The following ABCA4 variants were observed in gnomAD, a reference collection of about 807,000 sequenced individuals.
ABCA4 encodes retinal-specific phospholipid-transporting ATPase ABCA4.
Under a neutral mutation model 263.7 loss-of-function variants are expected in ABCA4, and 196 were observed. The ratio of observed to expected loss-of-function variants is 0.74; its 90% confidence interval spans 0.66 to 0.84. The LOEUF (loss-of-function observed/expected upper bound fraction) is 0.84, where lower values mean the gene tolerates loss of function less well. Ranked by LOEUF, ABCA4 falls within the 40% of genes least tolerant of loss-of-function variation. The pLI is 0.00. For synonymous variants in ABCA4, 1,133 were observed against 1,094.2 expected, an observed-to-expected ratio of 1.04 and a Z score of -0.70; for missense variants, 2,792 against 2,855.1, an observed-to-expected ratio of 0.98 and a Z score of 0.50.
At chr1:93,994,913 C>T (rs535659080) in intron 49 of ABCA4, among the ~76,000 whole-genome samples, 2 of 152,216 alleles carry the variant, frequency 1.3e-5, no homozygotes, top group South Asian at 4.1e-4. Context: ...GTGGGGAGAC[C>T]ATTGGTAATT....
intron 38 of ABCA4, among the ~76,000 whole-genome samples, chr1:94,012,785 C>T (rs374207827): frequency 6.6e-5 from 10 of 152,270 alleles, no homozygotes; most frequent in South Asian, 2.1e-4. Context: ...TTGCAAACTT[C>T]GTGGGCAGGT....
At chr1:94,070,557 T>G (rs1661375326) in intron 11 of ABCA4, among the ~76,000 whole-genome samples, 1 of 152,130 alleles carries the variant, frequency 6.6e-6, no homozygotes, top group Non-Finnish European at 1.5e-5. Context: ...ACAGCTCCAC[T>G]AAGGTAAGTT....
intron 11 of ABCA4, among the ~76,000 whole-genome samples, chr1:94,063,847 G>C (rs886222872): frequency 1.3e-5 from 2 of 152,106 alleles, no homozygotes; most frequent in Non-Finnish European, 2.9e-5. Flanking sequence ...AACTTAGTCA[G>C]GGAAATCACT....
intron 38 of ABCA4, among the ~76,000 whole-genome samples, chr1:94,012,790 G>A (rs1234246392): frequency 6.6e-6 from 1 of 152,198 alleles, no homozygotes; most frequent in African/African-American, 2.4e-5. Context: ...AACTTCGTGG[G>A]CAGGTCCTTT....
chr1:93,998,028 A>G lies in ABCA4; in HGVS notation c.6562T>C (p.Phe2188Leu). 6.2e-7 allele frequency: 1 copy of G among 1,614,114 alleles called. No homozygotes were observed. The highest frequency in any genetic ancestry group is 8.5e-7 in the Non-Finnish European group (1 of 1,180,004). The change falls in exon 48 of 50, where the codon TTC (phenylalanine) becomes CTC (leucine). Residue 2188 changes from phenylalanine to leucine, a missense_variant. Phe to Leu is a conservative substitution (Grantham distance 22, BLOSUM62 0). Coordinates refer to ENST00000370225, the MANE Select transcript of ABCA4 (RefSeq NM_000350.3). ...LLPDLNPVEQ[F>L]FQGNFPGSVQ... Reference sequence around the variant, plus strand: ...CTGCCTGGGAAGTTCCCCTGGAAGAACTGCTCCACAGGGTTCAGGTCAGGA... The same window carrying G: ...CTGCCTGGGAAGTTCCCCTGGAAGAGCTGCTCCACAGGGTTCAGGTCAGGA...
At chr1:94,042,923 A>G in intron 21 of ABCA4, 25 bp from the exon 22 acceptor site, 2 of 1,614,058 alleles carry the variant, frequency 1.2e-6, no homozygotes, top group Non-Finnish European at 1.7e-6. Flanking sequence ...AGGACGGGAG[A>G]GTTAAGGGGC....
chr1:94,098,680 T>G (rs1662200590), intron 6 of ABCA4, 114 bp downstream of exon 6: 1 of 1,269,014 alleles, frequency 7.9e-7, no homozygotes, highest in African/African-American at 1.5e-5. Flanking sequence ...GCCTGGAGCT[T>G]TTGCAAGGAT....
chr1:94,113,910 G>A (rs1286851254), intron 1 of ABCA4, among the ~76,000 whole-genome samples: 1 of 152,238 alleles, frequency 6.6e-6, no homozygotes, highest in African/African-American at 2.4e-5. Context: ...TCCACACCCT[G>A]TGGCATTGCA....
intron 11 of ABCA4, among the ~76,000 whole-genome samples, chr1:94,073,377 G>A (rs930274611): frequency 1.3e-4 from 20 of 152,298 alleles, no homozygotes; most frequent in East Asian, 1.9e-4. Flanking sequence ...TGGCGGCCCC[G>A]GAGGATGTGA....
intron 45 of ABCA4, among the ~76,000 whole-genome samples, chr1:94,001,323 T>G (rs562225782): frequency 1.3e-5 from 2 of 152,310 alleles, no homozygotes; most frequent in East Asian, 3.9e-4. Context: ...TGGGCCCATT[T>G]CAGCCCACGA....
At chr1:94,012,964 C>T (rs1446798761) in intron 38 of ABCA4, among the ~76,000 whole-genome samples, 2 of 152,196 alleles carry the variant, frequency 1.3e-5, no homozygotes, top group African/African-American at 4.8e-5. Context: ...CTGGGGGTTT[C>T]CATAGCAGCT....
intron 40 of ABCA4, among the ~76,000 whole-genome samples, chr1:94,010,262 C>T (rs879784803): frequency 6.6e-6 from 1 of 152,192 alleles, no homozygotes; most frequent in Admixed American, 6.5e-5. Context: ...GGAAGAATGG[C>T]AATTGCCAGC....
At chr1:94,074,700 G>A (rs1380283730) in intron 11 of ABCA4, among the ~76,000 whole-genome samples, 1 of 152,212 alleles carries the variant, frequency 6.6e-6, no homozygotes, top group Non-Finnish European at 1.5e-5. Flanking sequence ...TGAGGCTGTT[G>A]AGAAATAGGA....
chr1:94,047,036 AG>A lies in ABCA4; in HGVS notation c.2800del (p.Leu934TrpfsTer2). Reference sequence around the variant, plus strand: ...GCCACAGGGCTCAAAAATCTTTACCAGATTCTTCACGCATACCCCAGGAACC... The same window carrying A: ...GCCACAGGGCTCAAAAATCTTTACCAATTCTTCACGCATACCCCAGGAACC... ...GWVPGVCVKNLVKIFEPCGRP... is the reference protein window; with the variant it reads ...GWVPGVCVKNXVKIFEPCGRP... On this transcript the variant is annotated frameshift_variant, in exon 19 of 50. Transcript: ENST00000370225. LOFTEE classifies it high-confidence loss of function. The A allele has an allele frequency of 6.2e-7, 1 of 1,614,208 alleles. No individual in the cohort carries two copies. The highest frequency in any genetic ancestry group is 8.5e-7 in the Non-Finnish European group (1 of 1,180,038).
intron 24 of ABCA4, among the ~76,000 whole-genome samples, chr1:94,038,221 A>G (rs1170837434): frequency 6.6e-6 from 1 of 152,226 alleles, no homozygotes; most frequent in Non-Finnish European, 1.5e-5. Context: ...AGTGTCAGGT[A>G]TCAACTGTTT....
Position 94,040,118 on chromosome 1 carries a change from T to A in ABCA4, c.3532A>T (p.Ser1178Cys). 1.2e-6 allele frequency: 2 copies of A among 1,607,938 alleles called. No homozygotes were observed. Among genetic ancestry groups the A allele is most frequent in the Non-Finnish European group, 1.7e-6 (2 of 1,176,788 alleles). Residue 1178 changes from serine (S) to cysteine (C), a missense_variant, in exon 24 of 50, where the codon AGC becomes TGC. Ser to Cys is a moderately radical substitution (Grantham distance 112, BLOSUM62 -1). Coordinates refer to ENST00000370225, the MANE Select transcript of ABCA4 (RefSeq NM_000350.3). The part of the protein sequence containing the change: ...SQRKGSEGTC[S>C]CSSKGFSTTC... ...GTGGAGAAACCCTTAGACGAGCAGCTGCAGGTCCCCTGCAACAGATGGATG... is the reference window on the plus strand; with the variant it reads ...GTGGAGAAACCCTTAGACGAGCAGCAGCAGGTCCCCTGCAACAGATGGATG...
chr1:94,111,310 G>A, intron 3 of ABCA4, 128 bp downstream of exon 3: 1 of 1,290,794 alleles, frequency 7.7e-7, no homozygotes, highest in Non-Finnish European at 1.1e-6. Flanking sequence ...CTGCTCCTAA[G>A]AGGTTAGGGG....
At chr1:94,095,285 C>T (rs193284017) in intron 6 of ABCA4, among the ~76,000 whole-genome samples, 1 of 151,674 alleles carries the variant, frequency 6.6e-6, no homozygotes, top group Non-Finnish European at 1.5e-5. Flanking sequence ...CTAACCCCAG[C>T]GCCCCCCTCC....
At position 94,011,384 on chromosome 1, in the gene ABCA4, G is replaced by A. The variant is rs774891564; in HGVS notation, c.5462C>T (p.Thr1821Met). ...FILELFENNR[T>M]LLRFNAVLRK... ...CAGCACGGCGTTGAACCTGAGCAGCGTCTGAAACAGAGAAGTAGGACTGTT... is the reference window on the plus strand; with the variant it reads ...CAGCACGGCGTTGAACCTGAGCAGCATCTGAAACAGAGAAGTAGGACTGTT... The change falls in exon 39 of 50, where the codon ACG becomes ATG. Residue 1821 changes from threonine (T) to methionine (M), a missense_variant and splice_region_variant. Thr to Met is a moderately conservative substitution (Grantham distance 81). Coordinates refer to ENST00000370225, the MANE Select transcript of ABCA4 (RefSeq NM_000350.3). The A allele has an allele frequency of 4.6e-5, 75 of 1,613,774 alleles. No homozygotes were observed. The highest frequency in any genetic ancestry group is 3.3e-4 in the Middle Eastern group (2 of 6,084).
Sources: allele counts gnomAD v4.1 joint callset (sites outside exome capture counted in the v4.1 genomes callset), GRCh38; gene constraint gnomAD v4.1.1; transcripts MANE v1.5; gene names NCBI Gene and HGNC (gene_info 2026-07-23, HGNC 2026-07-21).